The following SCHIP1 variants were observed in gnomAD, a reference collection of about 807,000 sequenced individuals.
SCHIP1 encodes the protein schwannomin-interacting protein 1.
SCHIP1 carries 8 observed loss-of-function variants against 29.7 expected under a neutral mutation model. The observed-to-expected ratio is 0.27, with a 90% CI of 0.16 to 0.49. The LOEUF (loss-of-function observed/expected upper bound fraction) is 0.49, where lower values mean the gene tolerates loss of function less well. SCHIP1 is among the 20% of genes least tolerant of loss of function. The pLI, the probability that SCHIP1 is intolerant of heterozygous loss-of-function variation, is 0.99. For synonymous variants in SCHIP1, 76 were observed against 94.9 expected (o/e 0.80, Z 1.16); for missense variants, 193 against 294.6 (o/e 0.66, Z 2.52).
At chr3:159,790,414 G>T in the SCHIP1 span, among the ~76,000 whole-genome samples, 1 of 152,330 alleles carries the variant, frequency 6.6e-6, no homozygotes, top group Middle Eastern at 3.4e-3. Context: ...TTTCCAGCTG[G>T]GTGCAGTGGC....
the SCHIP1 span, among the ~76,000 whole-genome samples, chr3:159,665,245 C>A: frequency 1.3e-5 from 2 of 152,196 alleles, no homozygotes; most frequent in African/African-American, 4.8e-5. Context: ...CAAAATAGCA[C>A]TCAGACCCAC....
chr3:159,381,877 C>T, the SCHIP1 span, among the ~76,000 whole-genome samples: 3 of 152,106 alleles, frequency 2.0e-5, no homozygotes, highest in Admixed American at 6.6e-5. Context: ...AGATTACAGG[C>T]GTGAGCCACT....
At chr3:159,827,668 G>A in the SCHIP1 span, among the ~76,000 whole-genome samples, 18 of 152,118 alleles carry the variant, frequency 1.2e-4, no homozygotes, top group East Asian at 2.9e-3. Context: ...AGCCGGGCAC[G>A]GTGGCGGGCG....
At chr3:159,487,391 T>A in the SCHIP1 span, among the ~76,000 whole-genome samples, 1 of 152,062 alleles carries the variant, frequency 6.6e-6, no homozygotes, top group Admixed American at 6.6e-5. Flanking sequence ...GGAGACAAAC[T>A]TTTTGGATGT....
At chr3:159,348,121 T>C in the SCHIP1 span, among the ~76,000 whole-genome samples, 1 of 152,146 alleles carries the variant, frequency 6.6e-6, no homozygotes, top group Non-Finnish European at 1.5e-5. Flanking sequence ...TTAACAAATT[T>C]TAGACTCAAT....
chr3:159,800,578 C>T, the SCHIP1 span, among the ~76,000 whole-genome samples: 1 of 152,214 alleles, frequency 6.6e-6, no homozygotes, highest in South Asian at 2.1e-4. Flanking sequence ...AATTGCTGCT[C>T]TGTGGCTGCA....
the SCHIP1 span, among the ~76,000 whole-genome samples, chr3:159,777,930 C>T: frequency 3.3e-5 from 5 of 152,122 alleles, no homozygotes; most frequent in African/African-American, 1.2e-4. Context: ...AACATAGATT[C>T]CAAATAAACT....
chr3:159,838,560 G>A (rs1302748608), upstream of SCHIP1, among the ~76,000 whole-genome samples: 1 of 152,018 alleles, frequency 6.6e-6, no homozygotes, highest in Non-Finnish European at 1.5e-5. Context: ...TCACATTTTT[G>A]TTAAGTACCA....
At chr3:159,729,137 ACT>A in the SCHIP1 span, among the ~76,000 whole-genome samples, 953 of 152,088 alleles carry the variant, frequency 6.3e-3, 11 homozygotes, top group African/African-American at 0.022. Context: ...GACAGGTGAG[ACT>A]CTGTCTAAAA....
chr3:159,886,459 C>T, intron 3 of SCHIP1, 135 bp downstream of exon 4: 1 of 715,400 alleles, frequency 1.4e-6, no homozygotes, highest in Non-Finnish European at 2.3e-6. Context: ...TTGCATGCTC[C>T]TAAAATTTGA....
the SCHIP1 span, among the ~76,000 whole-genome samples, chr3:159,288,230 A>G: frequency 3.5e-4 from 53 of 152,354 alleles, 1 homozygote; most frequent in East Asian, 8.9e-3. Context: ...ACTCTCAGCT[A>G]TACTCCTACA....
At chr3:159,844,613 G>A (rs114386133) in intron 1 of SCHIP1, among the ~76,000 whole-genome samples, 1,995 of 152,296 alleles carry the variant, frequency 0.013, 39 homozygotes, top group African/African-American at 0.046. Context: ...TTCAGGCCTG[G>A]CAGCCTTCAA....
At chr3:159,375,615 T>C in the SCHIP1 span, 2 of 157,202 alleles carry the variant, frequency 1.3e-5, no homozygotes, top group African/African-American at 2.4e-5. Context: ...CAGGTGCCTG[T>C]AGTCCCAGCT....
chr3:159,552,431 T>C, the SCHIP1 span, among the ~76,000 whole-genome samples: 1 of 152,052 alleles, frequency 6.6e-6, no homozygotes, highest in Admixed American at 6.6e-5. Context: ...AATTACTCTC[T>C]GGAAATGAAT....
chr3:159,736,083 G>A, the SCHIP1 span, among the ~76,000 whole-genome samples: 1 of 152,102 alleles, frequency 6.6e-6, no homozygotes, highest in Non-Finnish European at 1.5e-5. Context: ...TTAATAATAA[G>A]GTAATGGCCC....
chr3:159,606,223 T>C, the SCHIP1 span, among the ~76,000 whole-genome samples: 1 of 152,182 alleles, frequency 6.6e-6, no homozygotes, highest in Non-Finnish European at 1.5e-5. Flanking sequence ...CACTGGTAGC[T>C]TTTTACTTTG....
At chr3:159,685,027 C>A in the SCHIP1 span, among the ~76,000 whole-genome samples, 1 of 152,064 alleles carries the variant, frequency 6.6e-6, no homozygotes, top group African/African-American at 2.4e-5. Context: ...GCAAGTTCAG[C>A]CTAAATTCTT....
chr3:159,573,713 T>C, the SCHIP1 span, among the ~76,000 whole-genome samples: 1 of 152,230 alleles, frequency 6.6e-6, no homozygotes, highest in African/African-American at 2.4e-5. Flanking sequence ...TGTTCCATCT[T>C]GGTTCCATTC....
chr3:159,825,540 C>T, the SCHIP1 span, among the ~76,000 whole-genome samples: 1 of 152,210 alleles, frequency 6.6e-6, no homozygotes, highest in Non-Finnish European at 1.5e-5. Flanking sequence ...GTCAATAGAA[C>T]TAATGACAGC....
Sources: allele counts gnomAD v4.1 joint callset (sites outside exome capture counted in the v4.1 genomes callset), GRCh38; gene constraint gnomAD v4.1.1; transcripts MANE v1.5; gene names NCBI Gene and HGNC (gene_info 2026-07-23, HGNC 2026-07-21).